Variants in SLC23A2 observed in about 807,000 individuals in gnomAD.
SLC23A2 encodes the protein Na(+)/L-ascorbic acid transporter 2.
SLC23A2 carries 36 observed loss-of-function variants against 73.3 expected under a neutral mutation model. That is an observed-to-expected ratio of 0.49 (90% CI 0.38 to 0.65). SLC23A2 has a LOEUF of 0.65. Ranked by LOEUF, SLC23A2 falls within the 30% of genes least tolerant of loss-of-function variation. SLC23A2 has a pLI of 0.00. For missense variants in SLC23A2, 507 were observed against 841.6 expected, an observed-to-expected ratio of 0.60 and a Z score of 4.92; for synonymous variants, 343 against 327.3, an observed-to-expected ratio of 1.05 and a Z score of -0.52.
intron 1 of SLC23A2, among the ~76,000 whole-genome samples, chr20:4,982,807 C>G (rs573882997): frequency 6.6e-6 from 1 of 151,804 alleles, no homozygotes; most frequent in African/African-American, 2.4e-5. Context: ...ATGAGACAAC[C>G]GAAAGTCCAA....
rs1250253456 is a variant in SLC23A2, at chr20:4,884,821, C to T, written c.574G>A (p.Val192Ile). The T allele has an allele frequency of 6.4e-7, 1 of 1,550,858 alleles. No individual in the cohort carries two copies. Among genetic ancestry groups the T allele is most frequent in the African/African-American group, 1.4e-5 (1 of 71,030 alleles). Residue 192 changes from valine (V) to isoleucine (I), a missense_variant and splice_region_variant, in exon 8 of 17, where the codon GTT becomes ATT. Transcript: ENST00000338244. ...LDKWKCNTTD[V>I]SVANGTAELL... ...TCTGCTGTTCCATTGGCAACTGAAA[C>T]ATCTTGAAAACAAAAACAAAGTTTT...
At chr20:4,946,722 A>G (rs932602547) in intron 2 of SLC23A2, among the ~76,000 whole-genome samples, 41 of 152,306 alleles carry the variant, frequency 2.7e-4, no homozygotes, top group African/African-American at 9.6e-4. Context: ...CGAATTATGC[A>G]TGAGCCATGA....
intron 2 of SLC23A2, among the ~76,000 whole-genome samples, chr20:4,967,301 A>G (rs1228318633): frequency 6.6e-6 from 1 of 152,210 alleles, no homozygotes; most frequent in African/African-American, 2.4e-5. Context: ...TTTTTTTAAC[A>G]CCATACAGAA....
At chr20:4,990,525 C>A (rs1047488621) in intron 1 of SLC23A2, among the ~76,000 whole-genome samples, 3 of 151,508 alleles carry the variant, frequency 2.0e-5, no homozygotes, top group African/African-American at 4.9e-5. Flanking sequence ...GCATGCACCA[C>A]CACAACCAGC....
chr20:4,991,312 G>A (rs957898179), intron 1 of SLC23A2, among the ~76,000 whole-genome samples: 4 of 152,016 alleles, frequency 2.6e-5, no homozygotes, highest in Non-Finnish European at 4.4e-5. Context: ...GTCTCACTAC[G>A]TTTCCCAAAC....
At chr20:4,988,734 CAA>C (rs35710976) in intron 1 of SLC23A2, among the ~76,000 whole-genome samples, 4 of 125,198 alleles carry the variant, frequency 3.2e-5, no homozygotes, top group Non-Finnish European at 3.2e-5. Flanking sequence ...GACTTCGTCT[CAA>C]AAAAAAAAAA....
chr20:5,007,592 T>G (rs2088205071), intron 1 of SLC23A2, among the ~76,000 whole-genome samples: 1 of 152,188 alleles, frequency 6.6e-6, no homozygotes, highest in Admixed American at 6.5e-5. Flanking sequence ...GTTTTCAGTA[T>G]GTTCACAAAG....
In SLC23A2 at chr20:4,862,893, G is replaced by A. The variant is rs1054253926; in HGVS notation, c.1371C>T (p.Arg457=). 7 of 1,611,174 alleles carry A rather than the reference G, an allele frequency of 4.3e-6. No individual in the cohort carries two copies. The highest frequency in any genetic ancestry group is 1.7e-5 in the Admixed American group (1 of 59,890). ...TGAGGGCTGCTCCGCACTGTATCAC[G>A]CGGCGGCTGCCGACCTGCAGAACAC... ...VLGITKVGSR[R]VIQCGAALML... Residue 457 remains arginine (R), a synonymous_variant, in exon 14 of 17, where the codon CGC becomes CGT. Coordinates refer to ENST00000338244, the MANE Select transcript of SLC23A2 (RefSeq NM_005116.6). The surrounding 1 kb of genome is among the most constrained non-coding windows in gnomAD (Gnocchi z 5.1).
intron 2 of SLC23A2, among the ~76,000 whole-genome samples, chr20:4,941,875 A>ACAG (rs2087048108): frequency 6.6e-6 from 1 of 152,260 alleles, no homozygotes; most frequent in South Asian, 2.1e-4. Context: ...GATAGTATGT[A>ACAG]CAGCATTAAC....
chr20:4,982,594 C>A (rs1440590617), intron 1 of SLC23A2, among the ~76,000 whole-genome samples: 2 of 152,062 alleles, frequency 1.3e-5, no homozygotes, highest in East Asian at 3.9e-4. Flanking sequence ...AGGACTCCCA[C>A]TACCCCATTT....
At chr20:4,978,620 T>C (rs1473479772) in intron 1 of SLC23A2, among the ~76,000 whole-genome samples, 1 of 152,176 alleles carries the variant, frequency 6.6e-6, no homozygotes, top group East Asian at 1.9e-4. Flanking sequence ...AACAGAGTCT[T>C]ATCCCCAGTT....
At chr20:4,995,153 G>C in intron 1 of SLC23A2, among the ~76,000 whole-genome samples, 1 of 152,086 alleles carries the variant, frequency 6.6e-6, no homozygotes, top group African/African-American at 2.4e-5. Context: ...ACAAAGGAAA[G>C]CCAGTGGGGG....
chr20:5,002,131 G>C (rs1600223061), upstream of SLC23A2, among the ~76,000 whole-genome samples: 1 of 152,184 alleles, frequency 6.6e-6, no homozygotes. Flanking sequence ...TTGTCCCCAG[G>C]TGATGCCCCC....
chr20:4,891,096 T>C (rs1024755285), intron 6 of SLC23A2, among the ~76,000 whole-genome samples: 3 of 152,002 alleles, frequency 2.0e-5, no homozygotes, highest in African/African-American at 7.3e-5. Context: ...TGTTCACTCC[T>C]GTGTAGAGCT....
chr20:4,986,017 C>T (rs1465149982), intron 1 of SLC23A2, among the ~76,000 whole-genome samples: 1 of 152,172 alleles, frequency 6.6e-6, no homozygotes, highest in African/African-American at 2.4e-5. Flanking sequence ...TCCCGCCATG[C>T]CCACAGAATC....
In SLC23A2 at chr20:4,872,445, T is replaced by G. The variant is rs1930486131; in HGVS notation, c.1102+1491A>C. On this transcript the variant is annotated intron_variant, in intron 11 of 16. Transcript: ENST00000338244. The surrounding 1 kb of genome is among the most constrained non-coding windows in gnomAD (Gnocchi z 4.4). ...TCGTGTGTGGCCCCATGGGTCCTAG[T>G]GAACTCCCTCTGGCCCCAGCACCTG... Among the ~76,000 whole-genome samples the G allele has an allele frequency of 6.6e-6, 1 of 152,182 alleles. No individual in the cohort carries two copies. Among genetic ancestry groups the G allele is most frequent in the Non-Finnish European group, 1.5e-5 (1 of 68,032 alleles).
At position 4,873,896 on chromosome 20, in the gene SLC23A2, C is replaced by T. The variant is rs779547554; in HGVS notation, c.1102+40G>A. On this transcript the variant is annotated intron_variant, in intron 11 of 16. Coordinates refer to ENST00000338244, the MANE Select transcript of SLC23A2 (RefSeq NM_005116.6). ...AATTCCCACCCCTCTCAGTTGGGCCCTCGTGGGCTCTTGACCCCTCTAGCC... is the reference window on the plus strand; with the variant it reads ...AATTCCCACCCCTCTCAGTTGGGCCTTCGTGGGCTCTTGACCCCTCTAGCC... 12 of 1,580,538 alleles carry T rather than the reference C, an allele frequency of 7.6e-6. No homozygotes were observed. The African/African-American group carries it at 1.5e-4, about 20-fold the overall frequency.
chr20:4,974,946 C>G (rs1008072998), intron 1 of SLC23A2, among the ~76,000 whole-genome samples: 1 of 152,120 alleles, frequency 6.6e-6, no homozygotes, highest in Admixed American at 6.6e-5. Context: ...ACCACCACAC[C>G]TGGCTAATTT....
At chr20:4,983,527 TC>T (rs1600202126) in intron 1 of SLC23A2, among the ~76,000 whole-genome samples, 1 of 151,376 alleles carries the variant, frequency 6.6e-6, no homozygotes, top group Non-Finnish European at 1.5e-5. Flanking sequence ...GTGCCTGTAG[TC>T]CCAGCTACTT....
Sources: allele counts gnomAD v4.1 joint callset (sites outside exome capture counted in the v4.1 genomes callset), GRCh38; gene constraint gnomAD v4.1.1; non-coding constraint Gnocchi (gnomAD v3.1); transcripts MANE v1.5; gene names NCBI Gene and HGNC (gene_info 2026-07-23, HGNC 2026-07-21).